The following KLHL1 variants were observed in gnomAD, a reference collection of about 807,000 sequenced individuals.
KLHL1 encodes kelch-like protein 1.
A neutral mutation model predicts 77.7 loss-of-function variants in KLHL1; 47 were observed. The observed-to-expected ratio is 0.60, with a 90% CI of 0.48 to 0.77. KLHL1 has a LOEUF of 0.77. Ranked by LOEUF, KLHL1 falls within the 30% of genes least tolerant of loss-of-function variation. KLHL1 has a pLI of 0.00. For synonymous variants in KLHL1, 360 were observed against 325.2 expected, an observed-to-expected ratio of 1.11 and a Z score of -1.15; for missense variants, 925 against 910.8, an observed-to-expected ratio of 1.02 and a Z score of -0.20.
At chr13:69,764,551 G>T (rs1196716427) in intron 7 of KLHL1, among the ~76,000 whole-genome samples, 1 of 151,890 alleles carries the variant, frequency 6.6e-6, no homozygotes. Context: ...ATGGCACAAA[G>T]AAAAAATACT....
intron 5 of KLHL1, among the ~76,000 whole-genome samples, chr13:69,876,854 G>A (rs1044834879): frequency 6.6e-6 from 1 of 152,020 alleles, no homozygotes; most frequent in African/African-American, 2.4e-5. Context: ...CCTGACCAGT[G>A]TGGCAAAACC....
At chr13:69,852,634 C>T (rs1029258698) in intron 5 of KLHL1, among the ~76,000 whole-genome samples, 3 of 151,852 alleles carry the variant, frequency 2.0e-5, no homozygotes, top group African/African-American at 7.2e-5. Context: ...TGCAGATTTC[C>T]AGCTTTCTTC....
rs1176376288 is a variant in KLHL1, at chr13:69,983,603, A to G, written c.498-7801T>C. Among the ~76,000 whole-genome samples, 125 of 135,856 alleles carry G rather than the reference A, an allele frequency of 9.2e-4. 1 individual carries two copies. The highest frequency in any genetic ancestry group is 1.6e-3 in the Non-Finnish European group (103 of 66,136). 89.1% of individuals were successfully genotyped at this position (135,856 alleles called of 152,430 possible). A position where few individuals can be genotyped will look rare whatever the true frequency, so the allele number is the denominator to read the frequency against. ...AAAAAAAAAAAAAAGAAGAAGAAGA[A>G]GAGAAAAAAAAAAAAAAGCTGTGTT... On this transcript the variant is annotated intron_variant, in intron 1 of 10. Transcript: ENST00000377844.
intron 1 of KLHL1, among the ~76,000 whole-genome samples, chr13:70,068,057 A>C (rs536894472): frequency 2.1e-4 from 32 of 151,830 alleles, no homozygotes; most frequent in African/African-American, 7.7e-4. Context: ...AAAAAAAAAA[A>C]AGGGCCAGAT....
intron 1 of KLHL1, among the ~76,000 whole-genome samples, chr13:70,079,978 G>A (rs1160218051): frequency 1.3e-5 from 2 of 152,184 alleles, no homozygotes; most frequent in Non-Finnish European, 1.5e-5. Context: ...GGATGTGATG[G>A]TGAATCCCAT....
intron 1 of KLHL1, among the ~76,000 whole-genome samples, chr13:70,027,533 AG>A (rs5804463): frequency 0.24 from 36,428 of 151,940 alleles, 4,736 homozygotes; most frequent in African/African-American, 0.35. Flanking sequence ...CATACAGCAA[AG>A]GGGGAGAAAA....
chr13:70,011,127 G>A (rs763399942), intron 1 of KLHL1, among the ~76,000 whole-genome samples: 3 of 151,988 alleles, frequency 2.0e-5, no homozygotes, highest in African/African-American at 7.2e-5. Context: ...AAAGTAAAAT[G>A]TCCAAGAACA....
At chr13:69,918,748 T>C (rs1039622002) in intron 4 of KLHL1, among the ~76,000 whole-genome samples, 1 of 152,180 alleles carries the variant, frequency 6.6e-6, no homozygotes, top group Non-Finnish European at 1.5e-5. Flanking sequence ...CAAATCCTTG[T>C]TCTTCCTAAA....
At position 69,901,795 on chromosome 13, in the gene KLHL1, CTTT is replaced by C. The variant is rs1205221353; in HGVS notation, c.1015-19303_1015-19301del. ...TCATTTTCTTTCTTTTTCTTTTTTT[CTTT>C]TTTTTTTTTTTTTTCTGAGACGGAG... On this transcript the variant is annotated intron_variant, in intron 4 of 10. Transcript: ENST00000377844. 4.2e-3 allele frequency among the ~76,000 whole-genome samples: 172 copies of C among 40,842 alleles called. 2 individuals are homozygous for C. The highest frequency in any genetic ancestry group is 0.013 in the African/African-American group (138 of 10,418). 26.8% of individuals were successfully genotyped at this position (40,842 alleles called of 152,430 possible).
rs114526392 is a variant in KLHL1, at chr13:69,854,180, G to A, written c.1228-15018C>T. ...GCTAGAATTGAATACCTGAGACTGG[G>A]AAATTATAAAGAAAAGAGGTTTATT... On this transcript the variant is annotated intron_variant, in intron 5 of 10. Coordinates refer to ENST00000377844, the MANE Select transcript of KLHL1 (RefSeq NM_020866.3). Among the ~76,000 whole-genome samples the A allele has an allele frequency of 9.5e-3, 1,437 of 152,046 alleles. 29 individuals carry two copies. Among genetic ancestry groups the A allele is most frequent in the African/African-American group, 0.033 (1,381 of 41,528 alleles).
chr13:70,010,555 T>C (rs1222690215), intron 1 of KLHL1, among the ~76,000 whole-genome samples: 2 of 152,002 alleles, frequency 1.3e-5, no homozygotes, highest in Non-Finnish European at 2.9e-5. Context: ...ATAGTAAATA[T>C]GATACACAGA....
At chr13:69,765,617 A>C (rs1160450588) in intron 7 of KLHL1, among the ~76,000 whole-genome samples, 1 of 152,206 alleles carries the variant, frequency 6.6e-6, no homozygotes, top group African/African-American at 2.4e-5. Flanking sequence ...TCCTTGTCCT[A>C]TCCTAATAGA....
rs568912277 is a variant in KLHL1 at position 70,105,993 on chromosome 13, A to C, written c.497+1210T>G. Among the ~76,000 whole-genome samples, 12 of 150,750 alleles carry C rather than the reference A, an allele frequency of 8.0e-5. No individual in the cohort carries two copies. In the East Asian group the frequency reaches 2.4e-3, roughly 30 times the overall value. ...TGAAAATTAAAATTAAAAAATATATATAATGTATATAATTGAAAATTTTTA... is the reference window on the plus strand; with the variant it reads ...TGAAAATTAAAATTAAAAAATATATCTAATGTATATAATTGAAAATTTTTA... On this transcript the variant is annotated intron_variant, in intron 1 of 10. Transcript: ENST00000377844.
intron 5 of KLHL1, among the ~76,000 whole-genome samples, chr13:69,861,262 G>T (rs1486193916): frequency 6.6e-6 from 1 of 152,032 alleles, no homozygotes; most frequent in African/African-American, 2.4e-5. Context: ...GAAAAAGTCT[G>T]TTTATTTTCT....
intron 6 of KLHL1, among the ~76,000 whole-genome samples, chr13:69,829,023 T>C (rs1466907177): frequency 1.3e-5 from 2 of 150,492 alleles, no homozygotes; most frequent in Non-Finnish European, 1.5e-5. Flanking sequence ...GCCTTGCCCA[T>C]TGCCTGAGAA....
At chr13:69,972,016 A>G (rs1593638361) in intron 2 of KLHL1, among the ~76,000 whole-genome samples, 2 of 152,006 alleles carry the variant, frequency 1.3e-5, no homozygotes, top group East Asian at 3.9e-4. Flanking sequence ...TGAAGTTGCT[A>G]CAGAGATATT....
At chr13:70,062,705 T>C (rs1886921018) in intron 1 of KLHL1, among the ~76,000 whole-genome samples, 1 of 152,160 alleles carries the variant, frequency 6.6e-6, no homozygotes, top group Non-Finnish European at 1.5e-5. Flanking sequence ...GACTTTTATC[T>C]GCTTACTTAT....
intron 5 of KLHL1, among the ~76,000 whole-genome samples, chr13:69,872,476 A>G (rs1880620285): frequency 6.6e-6 from 1 of 152,120 alleles, no homozygotes; most frequent in African/African-American, 2.4e-5. Context: ...CCACCCTGAG[A>G]GGAGTTATAT....
intron 5 of KLHL1, among the ~76,000 whole-genome samples, chr13:69,874,846 G>T (rs142700365): frequency 9.2e-5 from 14 of 152,184 alleles, no homozygotes; most frequent in African/African-American, 3.1e-4. Flanking sequence ...TGGGGTAAAT[G>T]ATGTAGGGCT....
Sources: gnomAD v4.1 joint callset for allele counts (sites outside exome capture counted in the v4.1 genomes callset) on GRCh38, gnomAD v4.1.1 for gene constraint, MANE v1.5 for transcripts, NCBI Gene and HGNC (gene_info 2026-07-23, HGNC 2026-07-21) for gene names.